RIMS2: variants seen among roughly 807,000 people sequenced by gnomAD.
RIMS2 encodes the protein regulating synaptic membrane exocytosis protein 2.
Under a neutral mutation model 174.4 loss-of-function variants are expected in RIMS2, and 59 were observed. The observed-to-expected ratio is 0.34, with a 90% CI of 0.27 to 0.42. The LOEUF (loss-of-function observed/expected upper bound fraction) is 0.42, where lower values mean the gene tolerates loss of function less well. Ranked by LOEUF, RIMS2 falls within the 10% of genes least tolerant of loss-of-function variation. The probability of loss-of-function intolerance (pLI) is 1.00; values close to 1 mark genes in which losing one functional copy is unlikely to be tolerated. For missense variants in RIMS2, 1,620 were observed against 1,666.3 expected, an observed-to-expected ratio of 0.97 and a Z score of 0.48; for synonymous variants, 606 against 572.5, an observed-to-expected ratio of 1.06 and a Z score of -0.84.
chr8:104,241,636 A>C (rs186462380), intron 19 of RIMS2, among the ~76,000 whole-genome samples: 24 of 152,244 alleles, frequency 1.6e-4, no homozygotes, highest in Middle Eastern at 3.4e-3. Context: ...CTGAAGTTTT[A>C]TGTCTCACCT....
chr8:103,910,127 C>G (rs201416049), intron 4 of RIMS2, 194 bp from the exon 8 acceptor site: 1 of 1,593,312 alleles, frequency 6.3e-7, no homozygotes, highest in African/African-American at 1.3e-5. Flanking sequence ...TTGTCTGACT[C>G]TCACAGGAGA....
At chr8:104,255,236 T>C, downstream of RIMS2, 1 of 151,280 alleles carries the variant, frequency 6.6e-6, no homozygotes, top group Non-Finnish European at 1.5e-5. Flanking sequence ...GTGAATTGTT[T>C]CTTTGTTGTT....
At chr8:103,973,647 A>G (rs2093136722) in intron 15 of RIMS2, among the ~76,000 whole-genome samples, 1 of 152,192 alleles carries the variant, frequency 6.6e-6, no homozygotes. Context: ...CCAAGTACAT[A>G]TATCTAAGAC....
chr8:104,072,854 T>G lies in RIMS2; in HGVS notation c.3334+58239T>G, dbSNP rs557446189. Among the ~76,000 whole-genome samples, 371 of 152,262 alleles carry G rather than the reference T, an allele frequency of 2.4e-3. 1 individual carries two copies. The highest frequency in any genetic ancestry group is 4.4e-3 in the Non-Finnish European group (301 of 68,004). On this transcript the variant is annotated intron_variant, in intron 19 of 23. Transcript: ENST00000504942. ...AATATTTTCAGTATACTAGAAAACTTGAAAGAAGAGAGTCTATTTTTAATA... is the reference window on the plus strand; with the variant it reads ...AATATTTTCAGTATACTAGAAAACTGGAAAGAAGAGAGTCTATTTTTAATA...
intron 19 of RIMS2, among the ~76,000 whole-genome samples, chr8:104,146,829 T>C (rs528961887): frequency 4.6e-5 from 7 of 152,124 alleles, no homozygotes; most frequent in Non-Finnish European, 1.0e-4. Context: ...CCGAAGTAGC[T>C]GGGACTACAG....
At chr8:103,782,926 A>G (rs2098405407) in intron 3 of RIMS2, among the ~76,000 whole-genome samples, 1 of 152,202 alleles carries the variant, frequency 6.6e-6, no homozygotes, top group Admixed American at 6.5e-5. Context: ...CTATATCTGT[A>G]TAATGAATGA....
intron 19 of RIMS2, among the ~76,000 whole-genome samples, chr8:104,042,543 A>G (rs1158411074): frequency 2.0e-5 from 3 of 151,648 alleles, no homozygotes; most frequent in Admixed American, 1.3e-4. Flanking sequence ...GAGAAGTTAT[A>G]TAAAGATGTA....
At chr8:103,611,360 A>T (rs2095360598) in intron 1 of RIMS2, among the ~76,000 whole-genome samples, 1 of 152,006 alleles carries the variant, frequency 6.6e-6, no homozygotes, top group Non-Finnish European at 1.5e-5. Context: ...CAGCAGTTGC[A>T]GTGTTTTAAT....
chr8:104,232,404 G>A (rs1336626592), intron 19 of RIMS2, among the ~76,000 whole-genome samples: 2 of 152,160 alleles, frequency 1.3e-5, no homozygotes, highest in African/African-American at 4.8e-5. Flanking sequence ...AAAGAAACAT[G>A]CATATGCAAC....
chr8:104,179,985 G>A (rs2098930717), intron 19 of RIMS2, among the ~76,000 whole-genome samples: 1 of 151,568 alleles, frequency 6.6e-6, no homozygotes, highest in South Asian at 2.1e-4. Context: ...TTTGCTTTCT[G>A]TTTTTCACTT....
At chr8:104,253,973 T>G (rs1310910313), downstream of RIMS2, 1 of 152,170 alleles carries the variant, frequency 6.6e-6, no homozygotes, top group Non-Finnish European at 1.5e-5. Flanking sequence ...GAATAAAACT[T>G]TATTAAAATA....
chr8:103,831,581 T>C (rs1463065128), intron 3 of RIMS2, among the ~76,000 whole-genome samples: 3 of 152,238 alleles, frequency 2.0e-5, no homozygotes, highest in Non-Finnish European at 4.4e-5. Context: ...CCTTTGCTTT[T>C]TGCTTTCATA....
chr8:104,148,916 T>C, intron 19 of RIMS2, 68 bp downstream of exon 25: 1 of 1,479,034 alleles, frequency 6.8e-7, no homozygotes, highest in South Asian at 1.2e-5. Context: ...TTCTTTTCTC[T>C]TACTCATTTT....
chr8:103,975,160 G>A (rs1440403087), intron 15 of RIMS2, among the ~76,000 whole-genome samples, 190 bp from the exon 18 acceptor site: 2 of 152,006 alleles, frequency 1.3e-5, no homozygotes, highest in Non-Finnish European at 2.9e-5. Context: ...TTGAATATCT[G>A]TCATTCCTTT....
chr8:103,607,588 C>A, intron 1 of RIMS2, among the ~76,000 whole-genome samples: 2 of 146,390 alleles, frequency 1.4e-5, no homozygotes, highest in East Asian at 3.9e-4. Context: ...TAATATCCTG[C>A]AGAGTGTTTT....
chr8:103,794,384 A>G (rs865798261), intron 3 of RIMS2, among the ~76,000 whole-genome samples: 8 of 152,358 alleles, frequency 5.3e-5, no homozygotes, highest in Middle Eastern at 3.4e-3. Context: ...AGCCACGTAT[A>G]GAAAGCTGAA....
chr8:104,084,635 G>GT (rs914893036), intron 19 of RIMS2, among the ~76,000 whole-genome samples: 54 of 151,112 alleles, frequency 3.6e-4, no homozygotes, highest in Non-Finnish European at 6.5e-4. Flanking sequence ...CATTTTCATG[G>GT]TTTTTTTTCA....
intron 1 of RIMS2, among the ~76,000 whole-genome samples, chr8:103,555,349 TA>T: frequency 6.6e-6 from 1 of 152,068 alleles, no homozygotes; most frequent in African/African-American, 2.4e-5. Context: ...ATGACTACTA[TA>T]AAAAAGGTAA....
chr8:103,703,319 C>G (rs530911955), intron 2 of RIMS2, among the ~76,000 whole-genome samples: 2 of 152,204 alleles, frequency 1.3e-5, no homozygotes, highest in Middle Eastern at 3.4e-3. Flanking sequence ...CTCACTGCAG[C>G]CTCTACCTCG....
Sources: gnomAD v4.1 joint callset for allele counts (sites outside exome capture counted in the v4.1 genomes callset) on GRCh38, gnomAD v4.1.1 for gene constraint, MANE v1.5 for transcripts, NCBI Gene and HGNC (gene_info 2026-07-23, HGNC 2026-07-21) for gene names.